Variants in RPL7L1 observed in about 807,000 individuals in gnomAD.
RPL7L1 encodes the protein ribosomal protein uL30-like.
In RPL7L1, 20 loss-of-function variants were observed where a neutral mutation model predicts 30.3. The observed-to-expected ratio is 0.66, with a 90% CI of 0.46 to 0.96. The LOEUF is 0.96. Ranked by LOEUF, RPL7L1 falls within the 40% of genes least tolerant of loss-of-function variation. The pLI, the probability that RPL7L1 is intolerant of heterozygous loss-of-function variation, is 0.00. For missense variants in RPL7L1, 271 were observed against 314.9 expected (o/e 0.86, Z 1.05); for synonymous variants, 107 against 110.1 (o/e 0.97, Z 0.18).
At position 42,884,622 on chromosome 6, in the gene RPL7L1, C is replaced by T. The variant is rs755593885; in HGVS notation, c.321C>T (p.Gly107=). Residue 107 remains glycine, a synonymous_variant, in exon 4 of 6, where the codon GGC becomes GGT. Transcript: ENST00000493763. ...AFVVRIERID[G]VSLLVQRTIA... ...TTGCTGTTCATTTCAGGATTGACGG[C>T]GTGAGTTTACTGGTGCAGAGAACCA... 14 of 1,612,226 alleles carry T rather than the reference C, an allele frequency of 8.7e-6. No individual in the cohort carries two copies. The highest frequency in any genetic ancestry group is 4.4e-5 in the South Asian group (4 of 91,000).
At chr6:42,883,355 A>G (rs1382501874) in intron 2 of RPL7L1, 96 bp from the exon 3 acceptor site, 1 of 949,652 alleles carries the variant, frequency 1.1e-6, no homozygotes, top group Non-Finnish European at 1.5e-6. Context: ...GAACACGGGG[A>G]AATAAGCTAT....
chr6:42,885,154 C>A (rs979997773), intron 4 of RPL7L1, among the ~76,000 whole-genome samples: 2 of 152,122 alleles, frequency 1.3e-5, no homozygotes, highest in African/African-American at 4.8e-5. Context: ...TGAGACCATC[C>A]TGGCCAACAT....
At chr6:42,884,412 A>G (rs1321167005) in intron 3 of RPL7L1, among the ~76,000 whole-genome samples, 4 of 152,258 alleles carry the variant, frequency 2.6e-5, no homozygotes, top group East Asian at 3.9e-4. Flanking sequence ...CACAAGTTCA[A>G]TTTCCATAGC....
chr6:42,884,469 C>T (rs1359959923), intron 3 of RPL7L1, 144 bp from the exon 4 acceptor site: 4 of 645,416 alleles, frequency 6.2e-6, no homozygotes, highest in Admixed American at 2.9e-5. Context: ...TTTTCATAAC[C>T]GCCTCCCACT....
rs1339685116 is a variant in RPL7L1, at chr6:42,886,763, A to C, written c.*299A>C. 2 of 295,180 alleles carry C rather than the reference A, an allele frequency of 6.8e-6. No homozygotes were observed. Among genetic ancestry groups the C allele is most frequent in the East Asian group, 1.7e-4 (2 of 11,922 alleles). The allele number at this position is 295,180 out of a possible 1,614,324, so 18.3% of individuals were successfully genotyped here. ...GTAATCCCAGCACTTTGGGAGGCCA[A>C]GGCGGGCAGACCATGAGGTCAGGAG... On this transcript the variant is annotated 3_prime_UTR_variant, in exon 6 of 6. Transcript: ENST00000493763.
At position 42,886,344 on chromosome 6, in the gene RPL7L1, C is replaced by A; in HGVS notation, c.648C>A (p.Cys216Ter). Residue 216 changes from cysteine (C) to a stop codon, truncating the protein, a stop_gained, in exon 6 of 6, where the codon TGC (cysteine) becomes TGA (stop). Transcript: ENST00000493763. LOFTEE classifies it high-confidence loss of function. ...TCCAGGAGATCTCATGGTTCTTGTG[C>A]CCTTTCCACCTCTCAGTGGCCCGTC... ...KHFQEISWFL[C>*]PFHLSVARHA... 1 of 1,605,718 alleles carries A rather than the reference C, an allele frequency of 6.2e-7. No individual in the cohort carries two copies. The highest frequency in any genetic ancestry group is 8.5e-7 in the Non-Finnish European group (1 of 1,179,614).
intron 4 of RPL7L1, 120 bp from the exon 5 acceptor site, chr6:42,885,854 A>G (rs1019586684): frequency 1.1e-5 from 7 of 648,248 alleles, no homozygotes; most frequent in Non-Finnish European, 1.7e-5. Context: ...ATTGCAGAAC[A>G]CTTGCTCGTT....
At position 42,879,960 on chromosome 6, in the gene RPL7L1, T is replaced by G. The variant is rs769603657; in HGVS notation, c.41+9T>G. 1.5e-5 allele frequency: 24 copies of G among 1,613,788 alleles called. No individual in the cohort carries two copies. Among genetic ancestry groups the G allele is most frequent in the South Asian group, 3.3e-5 (3 of 91,074 alleles). On this transcript the variant is annotated intron_variant, in intron 1 of 5. Transcript: ENST00000493763. ...AAGATGGCGGAGCAAGAGTGAGTGT[T>G]TGGGGCTTTGAATATCTGGAGTGGG...
intron 4 of RPL7L1, chr6:42,885,519 T>C (rs1766232592): frequency 6.4e-6 from 1 of 156,308 alleles, no homozygotes; most frequent in African/African-American, 2.4e-5. Context: ...TTGCAGTGAG[T>C]CGAGATCGTG....
At chr6:42,883,181 G>T (rs6907869) in intron 2 of RPL7L1, 93,084 of 250,692 alleles carry the variant, frequency 0.37, 20,757 homozygotes, top group African/African-American at 0.7. Flanking sequence ...ATGCTGGCGT[G>T]GAGTTTAAGG....
At position 42,886,383 on chromosome 6, in the gene RPL7L1, T is replaced by C. The variant is rs757360739; in HGVS notation, c.687T>C (p.Asn229=). The C allele has an allele frequency of 6.3e-7, 1 of 1,599,096 alleles. No homozygotes were observed. Among genetic ancestry groups the C allele is most frequent in the South Asian group, 1.1e-5 (1 of 90,960 alleles). The part of the protein sequence containing the change: ...HLSVARHATK[N]RVGFLKEMGT... ...CAGTGGCCCGTCATGCTACCAAAAATAGAGTGGGCTTCCTCAAGGAGATGG... is the reference window on the plus strand; with the variant it reads ...CAGTGGCCCGTCATGCTACCAAAAACAGAGTGGGCTTCCTCAAGGAGATGG... Residue 229 remains asparagine (N), a synonymous_variant, in exon 6 of 6, where the codon AAT becomes AAC. Transcript: ENST00000493763.
chr6:42,880,741 G>C (rs1562509600), intron 1 of RPL7L1, 120 bp from the exon 2 acceptor site: 2 of 565,070 alleles, frequency 3.5e-6, no homozygotes, highest in Non-Finnish European at 6.3e-6. Context: ...TCGAACTCCT[G>C]ACCTCAGGTA....
intron 2 of RPL7L1, among the ~76,000 whole-genome samples, chr6:42,883,161 C>T (rs1294370131): frequency 6.6e-6 from 1 of 152,232 alleles, no homozygotes; most frequent in South Asian, 2.1e-4. Context: ...TATTTAACAC[C>T]TGCAGGCAAA....
Position 42,888,592 on chromosome 6 carries a change from A to G in RPL7L1, c.*2128A>G, listed in dbSNP as rs1055969. On this transcript the variant is annotated 3_prime_UTR_variant, in exon 6 of 6. Coordinates refer to ENST00000493763, the MANE Select transcript of RPL7L1 (RefSeq NM_001366481.3). ...GATTTTTCCCTTCATAGTGGCAGATAGTGTTAACCCCTGCACCATCTGTAA... is the reference window on the plus strand; with the variant it reads ...GATTTTTCCCTTCATAGTGGCAGATGGTGTTAACCCCTGCACCATCTGTAA... 6.6e-6 allele frequency: 1 copy of G among 152,244 alleles called. No homozygotes were observed. The highest frequency in any genetic ancestry group is 1.5e-5 in the Non-Finnish European group (1 of 68,062). 9.4% of individuals were successfully genotyped at this position (152,244 alleles called of 1,614,324 possible). A position where few individuals can be genotyped will look rare whatever the true frequency, so the allele number is the denominator to read the frequency against.
chr6:42,880,093 A>C, intron 1 of RPL7L1, 142 bp downstream of exon 1: 1 of 863,468 alleles, frequency 1.2e-6, no homozygotes, highest in Non-Finnish European at 1.9e-6. Flanking sequence ...GGTGAGGAGG[A>C]GTAGCGCTGT....
rs1766396629 is a variant in RPL7L1, at chr6:42,889,486, T to G, written c.*3022T>G. The G allele has an allele frequency of 6.6e-6, 1 of 151,722 alleles. No individual in the cohort carries two copies. Among genetic ancestry groups the G allele is most frequent in the African/African-American group, 2.4e-5 (1 of 41,126 alleles). The allele number at this position is 151,722 out of a possible 1,614,324, so 9.4% of individuals were successfully genotyped here. A position where few individuals can be genotyped will look rare whatever the true frequency, so the allele number is the denominator to read the frequency against. ...GTGCCAGCGTATGAGGTAATTAGAT[T>G]GGTTCTCTCCAGAGGTAACCTGCCA... is the stretch of plus-strand genomic sequence containing the variant. On this transcript the variant is annotated 3_prime_UTR_variant, in exon 6 of 6. Transcript: ENST00000493763.
Position 42,887,194 on chromosome 6 carries a change from T to G in RPL7L1, c.*730T>G, listed in dbSNP as rs2114089478. On this transcript the variant is annotated 3_prime_UTR_variant, in exon 6 of 6. Transcript: ENST00000493763. ...TGCGGTAAATTTTTTATCAGTGAAG[T>G]GGAAGCATGTGTTTTGTTTTGGAAA... 6.6e-6 allele frequency: 1 copy of G among 152,310 alleles called. No homozygotes were observed. Among genetic ancestry groups the G allele is most frequent in the South Asian group, 2.1e-4 (1 of 4,820 alleles). The allele number at this position is 152,310 out of a possible 1,614,324, so 9.4% of individuals were successfully genotyped here.
intron 4 of RPL7L1, 61 bp from the exon 5 acceptor site, chr6:42,885,913 G>T (rs988308982): frequency 3.4e-6 from 3 of 889,330 alleles, no homozygotes; most frequent in Non-Finnish European, 5.7e-6. Flanking sequence ...CAGCCAGGCT[G>T]CAGGACTGGT....
chr6:42,883,118 A>G (rs1459397857), intron 2 of RPL7L1: 1 of 171,364 alleles, frequency 5.8e-6, no homozygotes, highest in African/African-American at 2.4e-5. Flanking sequence ...GCAGAGCACC[A>G]AGTGTATATG....
Sources: allele counts gnomAD v4.1 joint callset (sites outside exome capture counted in the v4.1 genomes callset), GRCh38; gene constraint gnomAD v4.1.1; transcripts MANE v1.5; gene names NCBI Gene and HGNC (gene_info 2026-07-23, HGNC 2026-07-21).